Variants in RIMS1 observed in about 807,000 individuals in gnomAD.
The protein encoded by RIMS1 is regulating synaptic membrane exocytosis protein 1.
RIMS1 carries 83 observed loss-of-function variants against 214.1 expected under a neutral mutation model. The observed-to-expected ratio is 0.39, with a 90% confidence interval of 0.32 to 0.47. The LOEUF (loss-of-function observed/expected upper bound fraction) is 0.47, where lower values mean the gene tolerates loss of function less well. Ranked by LOEUF, RIMS1 falls within the 20% of genes least tolerant of loss-of-function variation. The pLI is 0.99. For synonymous variants in RIMS1, 793 were observed against 786.8 expected (o/e 1.01, Z -0.13); for missense variants, 2,050 against 2,161.8 (o/e 0.95, Z 1.03).
intron 32 of RIMS1, 57 bp downstream of exon 32, chr6:72,398,407 A>G: frequency 1.0e-6 from 1 of 1,001,640 alleles, no homozygotes. Context: ...CAAACAAATA[A>G]AAACATTTGC....
At chr6:72,015,439 G>T (rs1046046537) in intron 2 of RIMS1, among the ~76,000 whole-genome samples, 58 of 152,094 alleles carry the variant, frequency 3.8e-4, no homozygotes, top group Non-Finnish European at 7.4e-5. Context: ...GGCCTGCTTA[G>T]AATTTTCTAT....
chr6:72,133,588 A>G (rs1012576871), intron 4 of RIMS1, among the ~76,000 whole-genome samples: 4 of 152,134 alleles, frequency 2.6e-5, no homozygotes, highest in African/African-American at 9.7e-5. Context: ...ATGGCTATAG[A>G]GAGAGAAAAG....
chr6:72,361,997 T>C (rs1476891999), intron 29 of RIMS1, among the ~76,000 whole-genome samples: 1 of 152,046 alleles, frequency 6.6e-6, no homozygotes, highest in Non-Finnish European at 1.5e-5. Flanking sequence ...TATTGTATTG[T>C]ATTGTATTGT....
intron 2 of RIMS1, among the ~76,000 whole-genome samples, chr6:72,053,128 A>T (rs555269438): frequency 6.6e-6 from 1 of 152,126 alleles, no homozygotes; most frequent in East Asian, 1.9e-4. Flanking sequence ...AAGTCTAACC[A>T]ACCTTGGCAT....
At chr6:72,364,409 T>G (rs1328184328) in intron 29 of RIMS1, among the ~76,000 whole-genome samples, 2 of 152,232 alleles carry the variant, frequency 1.3e-5, no homozygotes, top group Non-Finnish European at 2.9e-5. Context: ...GTACTCTATG[T>G]GCAGTCCCCG....
At chr6:72,058,894 G>A (rs1213855307) in intron 2 of RIMS1, among the ~76,000 whole-genome samples, 2 of 152,118 alleles carry the variant, frequency 1.3e-5, no homozygotes, top group African/African-American at 4.8e-5. Context: ...CTCTTTATCT[G>A]TATAATAAAT....
intron 22 of RIMS1, chr6:72,266,461 C>T (rs1260019627): frequency 4.8e-6 from 1 of 206,662 alleles, no homozygotes; most frequent in Non-Finnish European, 9.9e-6. Flanking sequence ...GGTTTAACAA[C>T]AATCTTCTAT....
intron 2 of RIMS1, among the ~76,000 whole-genome samples, chr6:72,066,925 A>G (rs571379807): frequency 1.3e-5 from 2 of 152,164 alleles, no homozygotes; most frequent in Non-Finnish European, 2.9e-5. Context: ...TCTAGCTGAT[A>G]CGTTACTAAA....
chr6:71,943,365 A>G (rs1365518688), intron 1 of RIMS1, among the ~76,000 whole-genome samples: 1 of 152,156 alleles, frequency 6.6e-6, no homozygotes, highest in Non-Finnish European at 1.5e-5. Flanking sequence ...GGATGACTTT[A>G]TATATAATTT....
chr6:72,302,419 T>C (rs1379496811), intron 26 of RIMS1, among the ~76,000 whole-genome samples: 4 of 151,730 alleles, frequency 2.6e-5, no homozygotes, highest in African/African-American at 9.7e-5. Flanking sequence ...TCAGATCTGA[T>C]CTTCCTATTC....
At position 71,914,049 on chromosome 6, in the gene RIMS1, A is replaced by G. The variant is rs946873263; in HGVS notation, c.164+26862A>G. Among the ~76,000 whole-genome samples the G allele has an allele frequency of 1.8e-4, 28 of 152,156 alleles. 1 individual carries two copies. The highest frequency in any genetic ancestry group is 1.3e-4 in the Admixed American group (2 of 15,264). On this transcript the variant is annotated intron_variant, in intron 1 of 33. Transcript: ENST00000521978. ...TTACTGCCCATTTTAGGAAAGGCAG[A>G]GTCCTATTTCATTGTGCTCTGAATG...
At chr6:72,355,777 A>G (rs1392555673) in intron 29 of RIMS1, among the ~76,000 whole-genome samples, 1 of 152,132 alleles carries the variant, frequency 6.6e-6, no homozygotes, top group Non-Finnish European at 1.5e-5. Context: ...GTCTTCTGAC[A>G]TGTCTAATTC....
intron 5 of RIMS1, among the ~76,000 whole-genome samples, chr6:72,181,854 C>T (rs966776031): frequency 1.2e-4 from 19 of 152,176 alleles, no homozygotes; most frequent in Non-Finnish European, 2.8e-4. Flanking sequence ...ATTAGTAGAG[C>T]AAAGAATCAG....
intron 19 of RIMS1, chr6:72,262,641 A>G: frequency 1.0e-5 from 9 of 899,292 alleles, no homozygotes; most frequent in Non-Finnish European, 1.2e-5. Context: ...ATGTATTTAT[A>G]AAAACATTAA....
At chr6:72,082,922 AAGC>A (rs1293543074) in intron 2 of RIMS1, among the ~76,000 whole-genome samples, 1 of 152,196 alleles carries the variant, frequency 6.6e-6, no homozygotes, top group African/African-American at 2.4e-5. Context: ...CTGAGAAACA[AAGC>A]AGGTTGAAGA....
intron 16 of RIMS1, among the ~76,000 whole-genome samples, chr6:72,256,375 A>G (rs919908325): frequency 6.6e-6 from 1 of 152,150 alleles, no homozygotes; most frequent in South Asian, 2.1e-4. Flanking sequence ...TAAAAGTTTC[A>G]AGATTTCACT....
chr6:72,162,577 G>A (rs1588315774), intron 4 of RIMS1, among the ~76,000 whole-genome samples: 1 of 140,494 alleles, frequency 7.1e-6, no homozygotes. Flanking sequence ...TTGTAAGGCA[G>A]GCCTGGTGGT....
intron 4 of RIMS1, among the ~76,000 whole-genome samples, chr6:72,110,167 A>C (rs1055776017): frequency 5.9e-5 from 9 of 152,144 alleles, no homozygotes; most frequent in African/African-American, 2.2e-4. Context: ...TTGGCTTAGG[A>C]ATGACTTGGC....
rs558357140 is a variant in RIMS1 at position 72,175,005 on chromosome 6, A to G, written c.472-4570A>G. Among the ~76,000 whole-genome samples the G allele has an allele frequency of 1.7e-3, 262 of 152,216 alleles. 1 individual carries two copies. Among genetic ancestry groups the G allele is most frequent in the African/African-American group, 6.2e-3 (257 of 41,556 alleles). ...CACATTCACACTACAAGAACCAAAG[A>G]GAACTCATTCTCATTTATTCTGACA... is the stretch of plus-strand genomic sequence containing the variant. On this transcript the variant is annotated intron_variant, in intron 4 of 33. Transcript: ENST00000521978.
Sources: gnomAD v4.1 joint callset for allele counts (sites outside exome capture counted in the v4.1 genomes callset) on GRCh38, gnomAD v4.1.1 for gene constraint, MANE v1.5 for transcripts, NCBI Gene and HGNC (gene_info 2026-07-23, HGNC 2026-07-21) for gene names.